Variants in KHDRBS2 observed in about 807,000 individuals in gnomAD.
KHDRBS2 encodes the protein KH domain-containing, RNA-binding, signal transduction-associated protein 2.
KHDRBS2 carries 26 observed loss-of-function variants against 44.3 expected under a neutral mutation model. The ratio of observed to expected loss-of-function variants is 0.59; its 90% CI spans 0.43 to 0.81. KHDRBS2 has a LOEUF of 0.81. Among genes scored for constraint, KHDRBS2 ranks in the 40% least tolerant of loss-of-function variants. KHDRBS2 has a pLI of 0.00. For synonymous variants in KHDRBS2, 194 were observed against 151.1 expected, an observed-to-expected ratio of 1.28 and a Z score of -2.08; for missense variants, 476 against 433.1, an observed-to-expected ratio of 1.10 and a Z score of -0.88.
At position 61,680,901 on chromosome 6, in the gene KHDRBS2, T is replaced by A. The variant is rs1766223661; in HGVS notation, c.*62A>T. On this transcript the variant is annotated 3_prime_UTR_variant, in exon 9 of 9. Transcript: ENST00000281156. ...AGGACTATTACTTGTCTTGTTGCTG[T>A]TTATGTGGAGACCACAGGCTATGAA... 2 of 1,040,658 alleles carry A rather than the reference T, an allele frequency of 1.9e-6. No individual in the cohort carries two copies. The highest frequency in any genetic ancestry group is 4.8e-5 in the East Asian group (2 of 41,522). 64.5% of individuals were successfully genotyped at this position (1,040,658 alleles called of 1,614,324 possible).
chr6:62,076,726 G>A (rs1796406349), intron 2 of KHDRBS2, among the ~76,000 whole-genome samples: 2 of 151,958 alleles, frequency 1.3e-5, no homozygotes, highest in Non-Finnish European at 2.9e-5. Flanking sequence ...GAGAATGGAA[G>A]GGATGCTCAA....
At chr6:62,209,698 T>C (rs1323292990) in intron 1 of KHDRBS2, among the ~76,000 whole-genome samples, 1 of 152,144 alleles carries the variant, frequency 6.6e-6, no homozygotes, top group African/African-American at 2.4e-5. Flanking sequence ...TCAATCTGGA[T>C]TGGCACCCTC....
chr6:61,580,804 GAACA>G, the KHDRBS2 span, among the ~76,000 whole-genome samples: 11 of 152,040 alleles, frequency 7.2e-5, no homozygotes, highest in African/African-American at 2.7e-4. Flanking sequence ...ACATCTGAAG[GAACA>G]AACTCTAGAT....
chr6:61,610,563 C>A, the KHDRBS2 span, among the ~76,000 whole-genome samples: 3 of 152,090 alleles, frequency 2.0e-5, no homozygotes, highest in African/African-American at 4.8e-5. Context: ...ACCAGGATGG[C>A]GCACACACTT....
At chr6:62,115,426 T>G (rs894177417) in intron 2 of KHDRBS2, among the ~76,000 whole-genome samples, 1 of 152,140 alleles carries the variant, frequency 6.6e-6, no homozygotes. Context: ...TTCAGAGAGA[T>G]AAAGTTAATT....
rs1307766801 is a variant in KHDRBS2 at position 62,285,850 on chromosome 6, A to G, written c.91+8T>C. ...CGGTTTGTGCCCATCTGTGGGGGCA[A>G]GTCCTACCTTCTGCCAAAAGGCGCG... On this transcript the variant is annotated splice_region_variant and intron_variant, in intron 1 of 8. Transcript: ENST00000281156. 1.9e-6 allele frequency: 3 copies of G among 1,607,084 alleles called. No individual in the cohort carries two copies. The highest frequency in any genetic ancestry group is 2.2e-5 in the East Asian group (1 of 44,462).
the KHDRBS2 span, among the ~76,000 whole-genome samples, chr6:61,663,866 T>C: frequency 1.3e-5 from 2 of 151,670 alleles, no homozygotes; most frequent in Non-Finnish European, 2.9e-5. Context: ...GGGATTCTTA[T>C]AGTATCTCAC....
intron 2 of KHDRBS2, among the ~76,000 whole-genome samples, chr6:62,108,165 A>G (rs1044597968): frequency 6.6e-6 from 1 of 152,036 alleles, no homozygotes; most frequent in Non-Finnish European, 1.5e-5. Flanking sequence ...GCAACCTACA[A>G]AATGGGAGAA....
At chr6:62,080,779 G>A (rs1347595891) in intron 2 of KHDRBS2, among the ~76,000 whole-genome samples, 1 of 152,030 alleles carries the variant, frequency 6.6e-6, no homozygotes, top group Non-Finnish European at 1.5e-5. Flanking sequence ...TGGCCAACTG[G>A]AGACAATTCA....
At chr6:62,197,830 G>C (rs1401052969) in intron 1 of KHDRBS2, among the ~76,000 whole-genome samples, 1 of 152,010 alleles carries the variant, frequency 6.6e-6, no homozygotes, top group African/African-American at 2.4e-5. Flanking sequence ...TGACCACATA[G>C]TTGGAAGTAA....
At chr6:62,169,034 CATATATATATATATATAT>C (rs369570219) in intron 2 of KHDRBS2, among the ~76,000 whole-genome samples, 8 of 72,582 alleles carry the variant, frequency 1.1e-4, no homozygotes, top group East Asian at 4.4e-4. Flanking sequence ...GTTCTCCAGT[CATATATATATATATATAT>C]ATATATATAT....
intron 4 of KHDRBS2, among the ~76,000 whole-genome samples, chr6:61,940,168 A>G (rs776249085): frequency 9.2e-5 from 14 of 152,238 alleles, no homozygotes; most frequent in Non-Finnish European, 1.8e-4. Context: ...CGGAACAACA[A>G]AATGTTTGAT....
chr6:61,559,250 G>A, the KHDRBS2 span, among the ~76,000 whole-genome samples: 1 of 151,798 alleles, frequency 6.6e-6, no homozygotes, highest in African/African-American at 2.4e-5. Context: ...CTCTTTCTGG[G>A]TTTCCATGTC....
chr6:61,773,941 A>T (rs1267873079), intron 6 of KHDRBS2, among the ~76,000 whole-genome samples: 1 of 152,232 alleles, frequency 6.6e-6, no homozygotes, highest in East Asian at 1.9e-4. Flanking sequence ...TTTGTCAAAG[A>T]TCAGATAGTT....
chr6:61,877,607 T>C (rs559764931), intron 6 of KHDRBS2, among the ~76,000 whole-genome samples: 1 of 151,896 alleles, frequency 6.6e-6, no homozygotes, highest in Non-Finnish European at 1.5e-5. Context: ...TGACAAATAA[T>C]AAAGATACAA....
the KHDRBS2 span, among the ~76,000 whole-genome samples, chr6:61,577,060 AT>A: frequency 6.6e-6 from 1 of 151,900 alleles, no homozygotes; most frequent in African/African-American, 2.4e-5. Flanking sequence ...ATGTAATTAA[AT>A]TTAACAGTCT....
chr6:62,022,470 C>G (rs920192411), intron 3 of KHDRBS2, among the ~76,000 whole-genome samples: 2 of 151,668 alleles, frequency 1.3e-5, no homozygotes, highest in African/African-American at 4.8e-5. Context: ...GGTTAACATA[C>G]TGTATTGGCC....
chr6:61,696,938 C>G (rs138997562), intron 8 of KHDRBS2, among the ~76,000 whole-genome samples: 1 of 152,082 alleles, frequency 6.6e-6, no homozygotes, highest in Admixed American at 6.5e-5. Flanking sequence ...ACATACAAGA[C>G]GCTATTCAGA....
intron 8 of KHDRBS2, among the ~76,000 whole-genome samples, chr6:61,685,815 G>A (rs1766755097): frequency 6.6e-6 from 1 of 151,686 alleles, no homozygotes; most frequent in Admixed American, 6.6e-5. Context: ...CAGGTACCTT[G>A]GGGAGCATTC....
Sources: allele counts gnomAD v4.1 joint callset (sites outside exome capture counted in the v4.1 genomes callset), GRCh38; gene constraint gnomAD v4.1.1; transcripts MANE v1.5; gene names NCBI Gene and HGNC (gene_info 2026-07-23, HGNC 2026-07-21).